The following DYNC2H1 variants were observed in gnomAD, a reference collection of about 807,000 sequenced individuals.
DYNC2H1 encodes cytoplasmic dynein 2 heavy chain 1.
In DYNC2H1, 410 loss-of-function variants were observed where a neutral mutation model predicts 570.0. The observed-to-expected ratio is 0.72, with a 90% CI of 0.66 to 0.78. DYNC2H1 has a LOEUF of 0.78. Ranked by LOEUF, DYNC2H1 falls within the 30% of genes least tolerant of loss-of-function variation. The probability of loss-of-function intolerance (pLI) is 0.00; values close to 1 mark genes in which losing one functional copy is unlikely to be tolerated. For missense variants in DYNC2H1, 4,865 were observed against 5,046.4 expected (o/e 0.96, Z 1.09); for synonymous variants, 1,688 against 1,677.6 (o/e 1.01, Z -0.15).
chr11:103,123,060 C>G (rs1565317697), intron 11 of DYNC2H1, 60 bp downstream of exon 11: 1 of 1,208,712 alleles, frequency 8.3e-7, no homozygotes, highest in Non-Finnish European at 1.1e-6. Flanking sequence ...TCCAAATACC[C>G]AGAGGGAATT....
chr11:103,126,946 T>A (rs1859034573), intron 12 of DYNC2H1, among the ~76,000 whole-genome samples: 2 of 152,220 alleles, frequency 1.3e-5, no homozygotes, highest in Admixed American at 1.3e-4. Context: ...CCTATTTGTT[T>A]CATTTCAAAA....
At chr11:103,250,203 ATAT>A (rs1339057519) in intron 65 of DYNC2H1, among the ~76,000 whole-genome samples, 1 of 151,936 alleles carries the variant, frequency 6.6e-6, no homozygotes, top group Non-Finnish European at 1.5e-5. Context: ...ATTTTAAATA[ATAT>A]TCTCATCTTT....
chr11:103,130,471 A>T (rs1859215109), intron 13 of DYNC2H1, among the ~76,000 whole-genome samples: 1 of 152,182 alleles, frequency 6.6e-6, no homozygotes, highest in Non-Finnish European at 1.5e-5. Context: ...TATTAAAAGC[A>T]CTTTTTTTCT....
At position 103,274,026 on chromosome 11, in the gene DYNC2H1, T is replaced by A. The variant is rs377223237; in HGVS notation, c.10696-6322T>A. On this transcript the variant is annotated intron_variant, in intron 70 of 88. Transcript: ENST00000375735. ...GAGGACCATAGACTGACAGGGGCTT[T>A]GCTTCTGTTCTTGAACCTAGAGACT... is the stretch of plus-strand genomic sequence containing the variant. 5.3e-5 allele frequency among the ~76,000 whole-genome samples: 8 copies of A among 152,226 alleles called. No individual in the cohort carries two copies. The East Asian group carries it at 1.4e-3, about 26-fold the overall frequency.
chr11:103,453,961 G>T (rs1396684025), intron 85 of DYNC2H1, among the ~76,000 whole-genome samples: 1 of 151,968 alleles, frequency 6.6e-6, no homozygotes, highest in Non-Finnish European at 1.5e-5. Context: ...ATAGCCAAGA[G>T]AAATAATTAT....
At position 103,334,878 on chromosome 11, in the gene DYNC2H1, A is replaced by G. The variant is rs188652223; in HGVS notation, c.12039+10888A>G. 3.9e-5 allele frequency among the ~76,000 whole-genome samples: 6 copies of G among 152,200 alleles called. No homozygotes were observed. The highest frequency in any genetic ancestry group is 1.4e-4 in the African/African-American group (6 of 41,560). On this transcript the variant is annotated intron_variant, in intron 82 of 88. Coordinates refer to ENST00000375735, the MANE Select transcript of DYNC2H1 (RefSeq NM_001377.3). The surrounding 1 kb of genome is among the most constrained non-coding windows in gnomAD (Gnocchi z 4.3). Reference sequence around the variant, plus strand: ...TTCCACATGCTGCAGAGAGAAGGGTATTTTCTAGTAATCTTCTCTGCAACT... The same window carrying G: ...TTCCACATGCTGCAGAGAGAAGGGTGTTTTCTAGTAATCTTCTCTGCAACT...
chr11:103,240,941 T>A (rs1351263032), intron 63 of DYNC2H1, among the ~76,000 whole-genome samples: 2 of 152,164 alleles, frequency 1.3e-5, no homozygotes, highest in Non-Finnish European at 2.9e-5. Context: ...CATATTTATT[T>A]TTCTTTAGCT....
At chr11:103,379,853 CT>C (rs1941563864) in intron 83 of DYNC2H1, among the ~76,000 whole-genome samples, 1 of 152,176 alleles carries the variant, frequency 6.6e-6, no homozygotes, top group Non-Finnish European at 1.5e-5. Flanking sequence ...CTTATTTCCC[CT>C]TCTGTGTTTC....
intron 58 of DYNC2H1, among the ~76,000 whole-genome samples, chr11:103,222,518 AT>A (rs2135155124): frequency 6.6e-6 from 1 of 152,218 alleles, no homozygotes; most frequent in African/African-American, 2.4e-5. Context: ...AACAATTTAG[AT>A]TTCATGATTC....
At chr11:103,219,690 A>G (rs1009027873) in intron 55 of DYNC2H1, among the ~76,000 whole-genome samples, 10 of 152,188 alleles carry the variant, frequency 6.6e-5, no homozygotes, top group African/African-American at 2.4e-4. Context: ...TTGCTTTGCT[A>G]AGTAGAAAAA....
intron 54 of DYNC2H1, 72 bp from the exon 55 acceptor site, chr11:103,215,649 A>G (rs965412507): frequency 7.5e-6 from 10 of 1,332,032 alleles, no homozygotes; most frequent in Admixed American, 3.6e-5. Flanking sequence ...ATTCTTTTCT[A>G]TAGGGCTTTA....
At position 103,436,955 on chromosome 11, in the gene DYNC2H1, T is replaced by C. The variant is rs564301687; in HGVS notation, c.12456+923T>C. ...CCAAAAACCATTTAACTTGGATTAG[T>C]ATCTGTCCATATGCAGGCTGCTGAG... is the stretch of plus-strand genomic sequence containing the variant. On this transcript the variant is annotated intron_variant, in intron 85 of 88. Transcript: ENST00000375735. Among the ~76,000 whole-genome samples, 14 of 152,236 alleles carry C rather than the reference T, an allele frequency of 9.2e-5. 2 individuals are homozygous for C. The South Asian group carries it at 2.9e-3, about 32-fold the overall frequency.
chr11:103,451,776 G>C (rs72987479), intron 85 of DYNC2H1, among the ~76,000 whole-genome samples: 10,619 of 152,082 alleles, frequency 0.07, 446 homozygotes, highest in Non-Finnish European at 0.095. Flanking sequence ...ATTCTGTTGG[G>C]CTAAAAACCT....
intron 83 of DYNC2H1, among the ~76,000 whole-genome samples, chr11:103,392,339 C>T (rs1423981914): frequency 2.0e-5 from 3 of 152,194 alleles, no homozygotes; most frequent in Admixed American, 6.5e-5. Context: ...TTTGCTAAGA[C>T]CGTTGGAAAA....
Position 103,211,852 on chromosome 11 carries a change from C to T in DYNC2H1, c.8603C>T (p.Thr2868Ile), listed in dbSNP as rs1460926992. The T allele has an allele frequency of 2.0e-6, 3 of 1,525,268 alleles. No individual in the cohort carries two copies. The highest frequency in any genetic ancestry group is 2.5e-5 in the East Asian group (1 of 40,430). The allele number at this position is 1,525,268 out of a possible 1,614,324, so 94.5% of individuals were successfully genotyped here. A position where few individuals can be genotyped will look rare whatever the true frequency, so the allele number is the denominator to read the frequency against. The change falls in exon 54 of 89, where the codon ACA becomes ATA. Residue 2868 changes from threonine (T) to isoleucine (I), a missense_variant. Coordinates refer to ENST00000375735, the MANE Select transcript of DYNC2H1 (RefSeq NM_001377.3). ...IHESCKAYGA[T>I]PSRYMTFLHV... ...GAATCTTGTAAAGCATATGGTGCTA[C>T]ACCAAGCCGATACATGACCTTTTTA...
chr11:103,256,191 T>C lies in DYNC2H1; in HGVS notation c.10412T>C (p.Ile3471Thr), dbSNP rs749982146. ...CAGACAAAAGCAAGCAGTGCACTTA[T>C]TCAAGAGTCACTTAAAGAATCTTAC... ...LNQTKASSAL[I>T]QESLKESYKL... Residue 3471 changes from isoleucine to threonine, a missense_variant, in exon 68 of 89, where the codon ATT (isoleucine) becomes ACT (threonine). Coordinates refer to ENST00000375735, the MANE Select transcript of DYNC2H1 (RefSeq NM_001377.3). This position sits in a 1 kb window ranked among gnomAD's most constrained non-coding sequence, Gnocchi z 4.0. 1.2e-6 allele frequency: 2 copies of C among 1,607,722 alleles called. No individual in the cohort carries two copies. The highest frequency in any genetic ancestry group is 2.2e-5 in the South Asian group (2 of 89,360).
At chr11:103,336,692 C>G (rs1939152360) in intron 82 of DYNC2H1, among the ~76,000 whole-genome samples, 1 of 152,040 alleles carries the variant, frequency 6.6e-6, no homozygotes, top group Non-Finnish European at 1.5e-5. Flanking sequence ...CATATTTTTT[C>G]TTTATCCATT....
chr11:103,303,302 A>G (rs759330389), intron 76 of DYNC2H1, 49 bp downstream of exon 76: 18 of 1,570,826 alleles, frequency 1.1e-5, no homozygotes, highest in Non-Finnish European at 1.6e-5. Context: ...TGCTGTTCCC[A>G]CACTTGATGA....
chr11:103,456,346 T>C lies in DYNC2H1; in HGVS notation c.12638T>C (p.Leu4213Pro). 1 of 1,598,758 alleles carries C rather than the reference T, an allele frequency of 6.3e-7. No homozygotes were observed. Among genetic ancestry groups the C allele is most frequent in the Non-Finnish European group, 8.5e-7 (1 of 1,171,844 alleles). The change falls in exon 87 of 89, where the codon CTA (leucine) becomes CCA (proline). Residue 4213 changes from leucine (L) to proline (P), a missense_variant. By Grantham distance (98) the Leu-to-Pro change is moderately conservative. Coordinates refer to ENST00000375735, the MANE Select transcript of DYNC2H1 (RefSeq NM_001377.3). ...AAAGGTCGACTGCAAGAAGCAAAGC[T>C]ACAAATTAAGGTACTAGACTAATTT... Reference protein sequence around the residue: ...SWKGRLQEAKLQIKISGLLLE... With the variant: ...SWKGRLQEAKPQIKISGLLLE...
Sources: gnomAD v4.1 joint callset for allele counts (sites outside exome capture counted in the v4.1 genomes callset) on GRCh38, gnomAD v4.1.1 for gene constraint, Gnocchi (gnomAD v3.1) non-coding constraint, MANE v1.5 for transcripts, NCBI Gene and HGNC (gene_info 2026-07-23, HGNC 2026-07-21) for gene names.